CCDC91: variants seen among roughly 807,000 people sequenced by gnomAD.
CCDC91 encodes coiled-coil domain-containing protein 91.
CCDC91 carries 48 observed loss-of-function variants against 63.2 expected under a neutral mutation model. The observed-to-expected ratio is 0.76, with a 90% CI of 0.60 to 0.97. The LOEUF (loss-of-function observed/expected upper bound fraction) is 0.97. CCDC91 is among the 50% of genes least tolerant of loss of function. CCDC91 has a pLI of 0.00. For missense variants in CCDC91, 500 were observed against 494.6 expected (o/e 1.01, Z -0.10); for synonymous variants, 167 against 165.8 (o/e 1.01, Z -0.06).
intron 8 of CCDC91, among the ~76,000 whole-genome samples, chr12:28,435,907 G>C (rs533467342): frequency 6.6e-6 from 1 of 151,738 alleles, no homozygotes; most frequent in African/African-American, 2.4e-5. Flanking sequence ...TCCTGTGTCT[G>C]AAATATAGCT....
chr12:28,204,044 G>T (rs1266976155), intron 1 of CCDC91, among the ~76,000 whole-genome samples: 1 of 152,110 alleles, frequency 6.6e-6, no homozygotes, highest in East Asian at 1.9e-4. Context: ...GGGTTTTGAT[G>T]CCTTAATTAT....
intron 7 of CCDC91, among the ~76,000 whole-genome samples, chr12:28,376,791 C>A (rs1187498360): frequency 6.6e-6 from 1 of 151,742 alleles, no homozygotes; most frequent in Non-Finnish European, 1.5e-5. Flanking sequence ...AAAGTCAATT[C>A]AAATGTTAAC....
At chr12:28,348,151 G>A (rs533488663) in intron 6 of CCDC91, among the ~76,000 whole-genome samples, 2 of 152,168 alleles carry the variant, frequency 1.3e-5, no homozygotes, top group Non-Finnish European at 2.9e-5. Flanking sequence ...AATTCATACA[G>A]TATCTTCTAC....
chr12:28,527,619 A>G (rs1565526392), intron 12 of CCDC91, among the ~76,000 whole-genome samples: 1 of 147,398 alleles, frequency 6.8e-6, no homozygotes, highest in African/African-American at 2.7e-5. Flanking sequence ...CAGCTATGGG[A>G]GTATGGGGGG....
At chr12:28,377,143 TTTAC>T (rs1331583692) in intron 7 of CCDC91, among the ~76,000 whole-genome samples, 1 of 151,378 alleles carries the variant, frequency 6.6e-6, no homozygotes, top group African/African-American at 2.4e-5. Flanking sequence ...TAATATCGTG[TTTAC>T]TTAAAGATAG....
At chr12:28,234,415 G>A (rs1185628805) in intron 1 of CCDC91, among the ~76,000 whole-genome samples, 1 of 152,076 alleles carries the variant, frequency 6.6e-6, no homozygotes, top group Admixed American at 6.6e-5. Flanking sequence ...TAAAAAGCAA[G>A]TGGTCCTTAT....
chr12:28,314,831 G>T (rs932696640), intron 6 of CCDC91, among the ~76,000 whole-genome samples: 3 of 151,922 alleles, frequency 2.0e-5, no homozygotes, highest in Non-Finnish European at 4.4e-5. Context: ...TATTTCTGTT[G>T]TTAGGAATCC....
intron 12 of CCDC91, among the ~76,000 whole-genome samples, chr12:28,491,461 A>G (rs1951998827): frequency 6.6e-6 from 1 of 151,778 alleles, no homozygotes; most frequent in African/African-American, 2.4e-5. Flanking sequence ...AATAATAGAC[A>G]CCATTGGCAC....
At chr12:28,544,066 C>T (rs1421788956) in intron 12 of CCDC91, among the ~76,000 whole-genome samples, 2 of 76,956 alleles carry the variant, frequency 2.6e-5, no homozygotes, top group African/African-American at 4.6e-5. Flanking sequence ...ATAATTTGTA[C>T]GATATTTTTC....
chr12:28,353,079 G>C (rs1172119786), intron 6 of CCDC91, among the ~76,000 whole-genome samples: 1 of 152,212 alleles, frequency 6.6e-6, no homozygotes, highest in Non-Finnish European at 1.5e-5. Context: ...TTCTACATCA[G>C]TACTTGCTGC....
At chr12:28,440,319 A>G (rs1376908633) in intron 8 of CCDC91, among the ~76,000 whole-genome samples, 1 of 152,196 alleles carries the variant, frequency 6.6e-6, no homozygotes, top group Non-Finnish European at 1.5e-5. Flanking sequence ...TTATTGCCTA[A>G]TTACAGAGCC....
chr12:28,521,003 C>T (rs1167476251), intron 12 of CCDC91, among the ~76,000 whole-genome samples: 9 of 152,054 alleles, frequency 5.9e-5, no homozygotes, highest in Non-Finnish European at 1.5e-5. Flanking sequence ...AGTCAGGTAG[C>T]ATGATGCCTC....
chr12:28,349,845 A>G (rs1027039612), intron 6 of CCDC91, among the ~76,000 whole-genome samples: 4 of 152,080 alleles, frequency 2.6e-5, no homozygotes, highest in African/African-American at 9.7e-5. Flanking sequence ...CTCTGTTACA[A>G]CTGTATAGGG....
intron 3 of CCDC91, among the ~76,000 whole-genome samples, chr12:28,283,251 A>T (rs1395484395): frequency 6.8e-6 from 1 of 146,406 alleles, no homozygotes; most frequent in African/African-American, 2.5e-5. Context: ...GTGAAAAATG[A>T]TGTTGGTATT....
At chr12:28,536,786 T>C (rs1043164965) in intron 12 of CCDC91, among the ~76,000 whole-genome samples, 6 of 152,212 alleles carry the variant, frequency 3.9e-5, no homozygotes, top group East Asian at 1.9e-4. Flanking sequence ...AGAATGTCTT[T>C]GGTTCTACTC....
intron 8 of CCDC91, among the ~76,000 whole-genome samples, chr12:28,441,073 A>AG (rs1565977453): frequency 7.5e-5 from 2 of 26,802 alleles, no homozygotes; most frequent in African/African-American, 2.1e-4. Flanking sequence ...AAAAAAAAAA[A>AG]AAAAAAAAAA....
At chr12:28,335,754 TTAG>T (rs935520430) in intron 6 of CCDC91, among the ~76,000 whole-genome samples, 22 of 152,190 alleles carry the variant, frequency 1.4e-4, no homozygotes, top group African/African-American at 5.1e-4. Flanking sequence ...TCAACCATTT[TTAG>T]TAGAATTCTC....
chr12:28,532,224 A>G (rs1459854967), intron 12 of CCDC91, among the ~76,000 whole-genome samples: 1 of 152,120 alleles, frequency 6.6e-6, no homozygotes, highest in African/African-American at 2.4e-5. Flanking sequence ...AAAAAAGGTG[A>G]TGGCCCACAA....
chr12:28,363,632 C>T (rs1011229378), intron 7 of CCDC91, among the ~76,000 whole-genome samples: 6 of 152,046 alleles, frequency 3.9e-5, no homozygotes, highest in African/African-American at 1.4e-4. Flanking sequence ...GCCTGTAATC[C>T]CAGCACTTCG....
Sources: gnomAD v4.1 joint callset for allele counts (sites outside exome capture counted in the v4.1 genomes callset) on GRCh38, gnomAD v4.1.1 for gene constraint, MANE v1.5 for transcripts, NCBI Gene and HGNC (gene_info 2026-07-23, HGNC 2026-07-21) for gene names.